The following FAM227A variants were observed in gnomAD, a reference collection of about 807,000 sequenced individuals.
FAM227A encodes the protein protein FAM227A.
A neutral mutation model predicts 74.7 loss-of-function variants in FAM227A; 80 were observed. That is an observed-to-expected ratio of 1.07 (90% confidence interval 0.89 to 1.29). FAM227A has a LOEUF of 1.29. Ranked by LOEUF, FAM227A falls within the 50% of genes most tolerant of loss-of-function variation. The pLI, the probability that FAM227A is intolerant of heterozygous loss-of-function variation, is 0.00. For synonymous variants in FAM227A, 237 were observed against 241.8 expected, an observed-to-expected ratio of 0.98 and a Z score of 0.19; for missense variants, 654 against 683.4, an observed-to-expected ratio of 0.96 and a Z score of 0.48.
chr22:38,641,750 T>C (rs773285017), intron 3 of FAM227A, among the ~76,000 whole-genome samples: 5 of 152,080 alleles, frequency 3.3e-5, no homozygotes, highest in Admixed American at 2.6e-4. Context: ...TCTATCTCCA[T>C]ATCTTAGAGC....
chr22:38,616,627 T>C (rs539420540), intron 11 of FAM227A, among the ~76,000 whole-genome samples: 2 of 151,098 alleles, frequency 1.3e-5, no homozygotes, highest in East Asian at 1.9e-4. Context: ...GATCATGCCA[T>C]TGCACTCCAG....
rs1202235707 is a variant in FAM227A at position 38,639,642 on chromosome 22, G to A, written c.295+13C>T. 2 of 1,551,326 alleles carry A rather than the reference G, an allele frequency of 1.3e-6. No homozygotes were observed. Among genetic ancestry groups the A allele is most frequent in the South Asian group, 1.2e-5 (1 of 84,048 alleles). On this transcript the variant is annotated intron_variant, in intron 4 of 16. Coordinates refer to ENST00000535113, the MANE Select transcript of FAM227A (RefSeq NM_001013647.2). ...CATGAAAAGAGCATCAAGGCTGAGG[G>A]AAAGGTTTTTGCCTTTGTCTTCTGG...
At chr22:38,636,865 G>C (rs1433699432) in intron 5 of FAM227A, among the ~76,000 whole-genome samples, 1 of 148,832 alleles carries the variant, frequency 6.7e-6, no homozygotes, top group Non-Finnish European at 1.5e-5. Flanking sequence ...TCTGCCTCCT[G>C]GTTCAAGCAA....
chr22:38,639,862 C>A, intron 3 of FAM227A, 138 bp from the exon 4 acceptor site: 1 of 673,820 alleles, frequency 1.5e-6, no homozygotes, highest in Non-Finnish European at 2.6e-6. Flanking sequence ...CTTGTCTTTC[C>A]AGGTGGTAGG....
rs12158333 is a variant in FAM227A at position 38,586,203 on chromosome 22, T to A, written c.1639-4A>T. The A allele has an allele frequency of 2.6e-6, 4 of 1,543,394 alleles. No individual in the cohort carries two copies. The highest frequency in any genetic ancestry group is 3.5e-6 in the Non-Finnish European group (4 of 1,144,792). On this transcript the variant is annotated splice_region_variant and splice_polypyrimidine_tract_variant and intron_variant, in intron 16 of 16. Coordinates refer to ENST00000535113, the MANE Select transcript of FAM227A (RefSeq NM_001013647.2). Reference sequence around the variant, plus strand: ...TTCCCTCTCCTCCTTTCCCCTCCTGTGGGGGAAACAAACGAACAAAAACAA... The same window carrying A: ...TTCCCTCTCCTCCTTTCCCCTCCTGAGGGGGAAACAAACGAACAAAAACAA...
intron 6 of FAM227A, among the ~76,000 whole-genome samples, chr22:38,632,621 C>A (rs1015891019): frequency 6.6e-6 from 1 of 152,028 alleles, no homozygotes; most frequent in Non-Finnish European, 1.5e-5. Context: ...CACCTGCCCC[C>A]TAGGGTTTGT....
chr22:38,635,216 G>A (rs561833976), intron 6 of FAM227A, among the ~76,000 whole-genome samples: 19 of 139,404 alleles, frequency 1.4e-4, no homozygotes, highest in African/African-American at 2.8e-4. Flanking sequence ...GCGACAGAGC[G>A]AGACTCTGTC....
rs145938979 is a variant in FAM227A, at chr22:38,598,761, C to T, written c.1379+1003G>A. Among the ~76,000 whole-genome samples, 891 of 152,124 alleles carry T rather than the reference C, an allele frequency of 5.9e-3. 7 individuals carry two copies. The highest frequency in any genetic ancestry group is 0.021 in the African/African-American group (863 of 41,496). On this transcript the variant is annotated intron_variant, in intron 14 of 16. Coordinates refer to ENST00000535113, the MANE Select transcript of FAM227A (RefSeq NM_001013647.2). ...GGCAGGTACTCTTATCCCTATTTTA[C>T]AGGTGAAAAAAATGAGGCACAGAGA... is the stretch of plus-strand genomic sequence containing the variant.
intron 16 of FAM227A, among the ~76,000 whole-genome samples, chr22:38,587,181 C>T (rs2090828953): frequency 6.6e-6 from 1 of 152,146 alleles, no homozygotes; most frequent in South Asian, 2.1e-4. Context: ...AGAAACATCT[C>T]AAATCAATAA....
chr22:38,613,422 A>ATAATATAT (rs1569208172), intron 11 of FAM227A, among the ~76,000 whole-genome samples: 1 of 104,394 alleles, frequency 9.6e-6, no homozygotes, highest in African/African-American at 4.5e-5. Context: ...TGATATATAT[A>ATAATATAT]ATTTGTTTGT....
At chr22:38,591,151 C>A (rs2146143407) in intron 16 of FAM227A, among the ~76,000 whole-genome samples, 1 of 151,928 alleles carries the variant, frequency 6.6e-6, no homozygotes, top group Non-Finnish European at 1.5e-5. Flanking sequence ...ATAGTGATAC[C>A]CCCAACTCTA....
At chr22:38,645,315 C>CT (rs1398357367) in intron 3 of FAM227A, among the ~76,000 whole-genome samples, 2 of 151,862 alleles carry the variant, frequency 1.3e-5, no homozygotes, top group Non-Finnish European at 2.9e-5. Flanking sequence ...CGCTTGAACC[C>CT]AAGAGACAGA....
chr22:38,615,185 A>G (rs745772558), intron 11 of FAM227A, among the ~76,000 whole-genome samples: 1 of 152,146 alleles, frequency 6.6e-6, no homozygotes, highest in African/African-American at 2.4e-5. Flanking sequence ...GCCACGCCCA[A>G]CTAATTTATG....
In FAM227A at chr22:38,585,951, C is replaced by G. The variant is rs763850255; in HGVS notation, c.*174G>C. 6.9e-7 allele frequency: 1 copy of G among 1,447,768 alleles called. No individual in the cohort carries two copies. 89.7% of individuals were successfully genotyped at this position (1,447,768 alleles called of 1,614,324 possible). ...TGACCCAAGCACCAACTCTCTACTC[C>G]TGCTTTTCACTCAGCCTAGGAAAAA... On this transcript the variant is annotated 3_prime_UTR_variant, in exon 17 of 17. Coordinates refer to ENST00000535113, the MANE Select transcript of FAM227A (RefSeq NM_001013647.2).
At chr22:38,615,179 C>T (rs752748028) in intron 11 of FAM227A, among the ~76,000 whole-genome samples, 26 of 152,176 alleles carry the variant, frequency 1.7e-4, no homozygotes, top group Non-Finnish European at 3.1e-4. Flanking sequence ...CGCACTGCCA[C>T]GCCCAACTAA....
chr22:38,590,836 G>C (rs1341833498), intron 16 of FAM227A, among the ~76,000 whole-genome samples: 2 of 152,122 alleles, frequency 1.3e-5, no homozygotes, highest in Non-Finnish European at 2.9e-5. Context: ...CCAGGATGGA[G>C]TGTAGTGGCG....
intron 11 of FAM227A, among the ~76,000 whole-genome samples, chr22:38,611,136 A>C (rs1228274552): frequency 6.6e-6 from 1 of 152,214 alleles, no homozygotes; most frequent in Non-Finnish European, 1.5e-5. Context: ...TGTATGAGGC[A>C]AGGTGACTAC....
At position 38,634,221 on chromosome 22, in the gene FAM227A, C is replaced by CAAA. The variant is rs34039010; in HGVS notation, c.519+2227_519+2229dup. ...TGGGAGACAGAGCAAGACTCTGTCT[C>CAAA]AAAAAAAAAAAAAAAAAAAAAAGAT... On this transcript the variant is annotated intron_variant, in intron 6 of 16. Coordinates refer to ENST00000535113, the MANE Select transcript of FAM227A (RefSeq NM_001013647.2). 4.7e-3 allele frequency among the ~76,000 whole-genome samples: 290 copies of CAAA among 61,442 alleles called. 3 individuals carry two copies. The highest frequency in any genetic ancestry group is 9.0e-3 in the African/African-American group (149 of 16,534). The allele number at this position is 61,442 out of a possible 152,430, so 40.3% of individuals were successfully genotyped here.
intron 14 of FAM227A, among the ~76,000 whole-genome samples, chr22:38,598,821 A>C (rs532427787): frequency 6.6e-6 from 1 of 152,314 alleles, no homozygotes; most frequent in East Asian, 1.9e-4. Context: ...CTCGGTTTGC[A>C]GTAGAGTTGG....
Sources: gnomAD v4.1 joint callset for allele counts (sites outside exome capture counted in the v4.1 genomes callset) on GRCh38, gnomAD v4.1.1 for gene constraint, MANE v1.5 for transcripts, NCBI Gene and HGNC (gene_info 2026-07-23, HGNC 2026-07-21) for gene names.